The following LIMS2 variants were observed in gnomAD, a reference collection of about 807,000 sequenced individuals.
The protein encoded by LIMS2 is LIM and senescent cell antigen-like-containing domain protein 2.
Under a neutral mutation model 45.3 loss-of-function variants are expected in LIMS2, and 30 were observed. The observed-to-expected ratio is 0.66, with a 90% CI of 0.50 to 0.90. The LOEUF is 0.90. LIMS2 is among the 40% of genes least tolerant of loss of function. LIMS2 has a pLI of 0.00. For synonymous variants in LIMS2, 173 were observed against 188.0 expected (o/e 0.92, Z 0.65); for missense variants, 485 against 468.7 (o/e 1.03, Z -0.32).
In LIMS2 at chr2:127,649,956, T is replaced by G; in HGVS notation, c.359+4468A>C. 1.1e-5 allele frequency: 16 copies of G among 1,432,518 alleles called. 1 individual carries two copies. The South Asian group carries it at 1.9e-4, about 17-fold the overall frequency. The allele number at this position is 1,432,518 out of a possible 1,614,324, so 88.7% of individuals were successfully genotyped here. A position where few individuals can be genotyped will look rare whatever the true frequency, so the allele number is the denominator to read the frequency against. The stretch of plus-strand genomic sequence containing the variant: ...CTCTGGGAGAGAAAATACTCCCAGC[T>G]GGCCTGATACCCAGGCACAGGCTTC... On this transcript the variant is annotated intron_variant, in intron 4 of 9. Coordinates refer to ENST00000355119, the MANE Select transcript of LIMS2 (RefSeq NM_001161403.3).
At chr2:127,654,374 C>T in intron 4 of LIMS2, 50 bp downstream of exon 4, 1 of 1,611,876 alleles carries the variant, frequency 6.2e-7, no homozygotes, top group Non-Finnish European at 8.5e-7. Flanking sequence ...GGCAGGTGTG[C>T]CAGGAAGGGC....
chr2:127,651,739 C>T (rs751907341), intron 4 of LIMS2: 2 of 1,612,404 alleles, frequency 1.2e-6, no homozygotes, highest in Non-Finnish European at 1.7e-6. Context: ...TCGCTGAGTG[C>T]CAAGTCAGAG....
In LIMS2 at chr2:127,673,727, C is replaced by A. The variant is rs779917750; in HGVS notation, c.11+1287G>T. 4.9e-5 allele frequency: 76 copies of A among 1,551,426 alleles called. No homozygotes were observed. In the South Asian group the frequency reaches 8.8e-4, roughly 18 times the overall value. On this transcript the variant is annotated intron_variant, in intron 1 of 9. Coordinates refer to ENST00000355119, the MANE Select transcript of LIMS2 (RefSeq NM_001161403.3). ...GCTGCTCCGGACCCTGTTCCTGTCT[C>A]TCCCCACTTTCTTTTCCTAGAAAAC...
chr2:127,675,008 C>T lies in LIMS2; in HGVS notation c.11+6G>A, dbSNP rs1405326619. 3 of 1,229,892 alleles carry T rather than the reference C, an allele frequency of 2.4e-6. No individual in the cohort carries two copies. Among genetic ancestry groups the T allele is most frequent in the South Asian group, 8.2e-5 (2 of 24,324 alleles). 76.2% of individuals were successfully genotyped at this position (1,229,892 alleles called of 1,614,324 possible). Reference sequence around the variant, plus strand: ...CCGGCCCGGGGGCGTGGGTGGGGGCCGTTACCTTCCCGTCATGGTGGCAGC... The same window carrying T: ...CCGGCCCGGGGGCGTGGGTGGGGGCTGTTACCTTCCCGTCATGGTGGCAGC... On this transcript the variant is annotated splice_donor_region_variant and intron_variant, in intron 1 of 9. Transcript: ENST00000355119.
intron 4 of LIMS2, chr2:127,650,762 A>T: frequency 6.2e-7 from 1 of 1,613,632 alleles, no homozygotes. Flanking sequence ...TGGCTCCCCC[A>T]GGTCTGATCA....
rs1462196297 is a variant in LIMS2 at position 127,642,666 on chromosome 2, G to C, written c.509+257C>G. ...CATCTCAACCCTCGTCTGCAGTCTA[G>C]GGGTCCAGCCCACCCGCCTCCTGAG... On this transcript the variant is annotated intron_variant, in intron 5 of 9. Transcript: ENST00000355119. The surrounding 1 kb of genome is among the most constrained non-coding windows in gnomAD (Gnocchi z 5.3). 1.9e-6 allele frequency: 1 copy of C among 517,460 alleles called. No homozygotes were observed. The highest frequency in any genetic ancestry group is 3.5e-6 in the Non-Finnish European group (1 of 288,498). 32.1% of individuals were successfully genotyped at this position (517,460 alleles called of 1,614,324 possible).
chr2:127,651,823 C>G, intron 4 of LIMS2: 1 of 1,454,254 alleles, frequency 6.9e-7, no homozygotes, highest in East Asian at 2.3e-5. Flanking sequence ...GAGGCATCTG[C>G]CCTTTCCCCA....
At chr2:127,670,344 A>G (rs1685220809) in intron 1 of LIMS2, among the ~76,000 whole-genome samples, 1 of 152,238 alleles carries the variant, frequency 6.6e-6, no homozygotes, top group Non-Finnish European at 1.5e-5. Context: ...AATCTTGGAA[A>G]TATGTTGTTA....
In LIMS2 at chr2:127,653,857, G is replaced by C. The variant is rs1684044855; in HGVS notation, c.359+567C>G. ...GCCCAGTCCTTCAGAAAGGACGAGA[G>C]AGTGGCGTGGAGAAGCAAGCCCTGG... On this transcript the variant is annotated intron_variant, in intron 4 of 9. Transcript: ENST00000355119. This position sits in a 1 kb window ranked among gnomAD's most constrained non-coding sequence, Gnocchi z 5.3. Among the ~76,000 whole-genome samples the C allele has an allele frequency of 6.6e-6, 1 of 152,130 alleles. No homozygotes were observed. Among genetic ancestry groups the C allele is most frequent in the African/African-American group, 2.4e-5 (1 of 41,414 alleles).
At position 127,650,723 on chromosome 2, in the gene LIMS2, C is replaced by T. The variant is rs772269135; in HGVS notation, c.359+3701G>A. The T allele has an allele frequency of 6.9e-6, 11 of 1,603,734 alleles. No homozygotes were observed. In the South Asian group the frequency reaches 1.2e-4, roughly 18 times the overall value. ...TTTGCTTGTTCCCTCCAGGCTCTGA[C>T]TCCAGCCAAAGCATGAATGGCCTTG... On this transcript the variant is annotated intron_variant, in intron 4 of 9. Coordinates refer to ENST00000355119, the MANE Select transcript of LIMS2 (RefSeq NM_001161403.3).
chr2:127,674,631 G>A lies in LIMS2; in HGVS notation c.11+383C>T, dbSNP rs112016795. 28 of 985,388 alleles carry A rather than the reference G, an allele frequency of 2.8e-5. No homozygotes were observed. In the African/African-American group the frequency reaches 4.0e-4, roughly 14 times the overall value. The allele number at this position is 985,388 out of a possible 1,614,324, so 61.0% of individuals were successfully genotyped here. A position where few individuals can be genotyped will look rare whatever the true frequency, so the allele number is the denominator to read the frequency against. ...AGAGATGACACTCACCGGGATCGGG[G>A]ATCGCACAGCGCGGGCTCGGGGAAG... On this transcript the variant is annotated intron_variant, in intron 1 of 9. Coordinates refer to ENST00000355119, the MANE Select transcript of LIMS2 (RefSeq NM_001161403.3).
chr2:127,665,154 C>T (rs932663937), intron 1 of LIMS2, among the ~76,000 whole-genome samples: 12 of 152,174 alleles, frequency 7.9e-5, no homozygotes, highest in Non-Finnish European at 1.8e-4. Context: ...GGTAGGCATC[C>T]AAACTGTGAC....
intron 2 of LIMS2, 36 bp downstream of exon 2, chr2:127,657,367 A>ACCCG (rs1421903915): frequency 6.2e-7 from 1 of 1,612,862 alleles, no homozygotes; most frequent in East Asian, 2.2e-5. Flanking sequence ...GCAGACTCCG[A>ACCCG]GCTGGGTCTG....
At chr2:127,662,262 A>G (rs1026009406) in intron 1 of LIMS2, among the ~76,000 whole-genome samples, 1 of 152,172 alleles carries the variant, frequency 6.6e-6, no homozygotes, top group African/African-American at 2.4e-5. Flanking sequence ...CAGTGAGGCC[A>G]TTCCTGCAAG....
chr2:127,668,752 T>TAA (rs1370743749), intron 1 of LIMS2, among the ~76,000 whole-genome samples: 1 of 128,696 alleles, frequency 7.8e-6, no homozygotes, highest in East Asian at 2.4e-4. Context: ...TAAAAAATTG[T>TAA]AAGTGTGGCA....
At chr2:127,651,918 G>A (rs1558884336) in intron 4 of LIMS2, 9 of 691,914 alleles carry the variant, frequency 1.3e-5, no homozygotes, top group Non-Finnish European at 2.0e-5. Flanking sequence ...TAAAAAGGAA[G>A]AACTGACAAA....
Position 127,642,868 on chromosome 2 carries a change from T to C in LIMS2, c.509+55A>G. On this transcript the variant is annotated intron_variant, in intron 5 of 9. Transcript: ENST00000355119. This position sits in a 1 kb window ranked among gnomAD's most constrained non-coding sequence, Gnocchi z 5.3. ...GGTGGAGGCCCCACCGCCCTTACCC[T>C]GGGCCAGCCCTGGCTCCCCGCCCCC... The C allele has an allele frequency of 6.5e-7, 1 of 1,533,508 alleles. No homozygotes were observed. Among genetic ancestry groups the C allele is most frequent in the Non-Finnish European group, 8.8e-7 (1 of 1,135,994 alleles). 95.0% of individuals were successfully genotyped at this position (1,533,508 alleles called of 1,614,324 possible).
chr2:127,650,309 GC>G, intron 4 of LIMS2: 1 of 569,178 alleles, frequency 1.8e-6, no homozygotes, highest in Non-Finnish European at 3.1e-6. Context: ...GAGACACACT[GC>G]CCCCGCCCCT....
In LIMS2 at chr2:127,638,933, A is replaced by G. The variant is rs558316432; in HGVS notation, c.*348T>C. 3.2e-5 allele frequency: 9 copies of G among 281,278 alleles called. No individual in the cohort carries two copies. Among genetic ancestry groups the G allele is most frequent in the Non-Finnish European group, 5.5e-5 (8 of 146,256 alleles). The allele number at this position is 281,278 out of a possible 1,614,324, so 17.4% of individuals were successfully genotyped here. On this transcript the variant is annotated 3_prime_UTR_variant, in exon 10 of 10. Transcript: ENST00000355119. The stretch of plus-strand genomic sequence containing the variant: ...TCTCACAGGACAGCATGAGCCACTG[A>G]GCCGCCTGGGGAGGGCCAGGCCAGG...
Sources: gnomAD v4.1 joint callset for allele counts (sites outside exome capture counted in the v4.1 genomes callset) on GRCh38, gnomAD v4.1.1 for gene constraint, Gnocchi (gnomAD v3.1) non-coding constraint, MANE v1.5 for transcripts, NCBI Gene and HGNC (gene_info 2026-07-23, HGNC 2026-07-21) for gene names.